The following BST1 variants were observed in gnomAD, a reference collection of about 807,000 sequenced individuals.
BST1 encodes the protein ADP-ribosyl cyclase/cyclic ADP-ribose hydrolase 2.
A neutral mutation model predicts 40.6 loss-of-function variants in BST1; 49 were observed. That is an observed-to-expected ratio of 1.21 (90% confidence interval 0.96 to 1.53). The LOEUF (loss-of-function observed/expected upper bound fraction) is 1.53. Ranked by LOEUF, BST1 falls within the 40% of genes most tolerant of loss-of-function variation. The pLI, the probability that BST1 is intolerant of heterozygous loss-of-function variation, is 0.00. For synonymous variants in BST1, 157 were observed against 159.3 expected, an observed-to-expected ratio of 0.99 and a Z score of 0.11; for missense variants, 423 against 395.9, an observed-to-expected ratio of 1.07 and a Z score of -0.58.
chr4:15,740,733 T>C (rs1438717169), downstream of BST1, among the ~76,000 whole-genome samples: 2 of 152,040 alleles, frequency 1.3e-5, no homozygotes, highest in Admixed American at 1.3e-4. Context: ...TATATGTTGG[T>C]GAAGAAGGAG....
downstream of BST1, among the ~76,000 whole-genome samples, chr4:15,736,610 C>CA (rs111663075): frequency 2.4e-3 from 303 of 128,082 alleles, 1 homozygote; most frequent in East Asian, 2.9e-3. Flanking sequence ...ACTCTGTCTC[C>CA]AAAAAAAAAA....
chr4:15,760,123 A>T, the BST1 span, among the ~76,000 whole-genome samples: 2 of 151,938 alleles, frequency 1.3e-5, no homozygotes, highest in Non-Finnish European at 2.9e-5. Flanking sequence ...CTTCTAATCT[A>T]CTTTCCGTCT....
At chr4:15,707,907 A>G (rs559455048) in intron 3 of BST1, among the ~76,000 whole-genome samples, 7 of 150,344 alleles carry the variant, frequency 4.7e-5, no homozygotes, top group Middle Eastern at 3.5e-3. Context: ...ATACATATCT[A>G]TACATATCTA....
the BST1 span, among the ~76,000 whole-genome samples, chr4:15,747,511 C>T: frequency 6.6e-6 from 1 of 152,158 alleles, no homozygotes; most frequent in Non-Finnish European, 1.5e-5. Context: ...GTACCCCCAT[C>T]ACCATCACAT....
the BST1 span, among the ~76,000 whole-genome samples, chr4:15,756,434 GT>G: frequency 6.6e-6 from 1 of 152,118 alleles, no homozygotes; most frequent in African/African-American, 2.4e-5. Context: ...GGTGAGATGT[GT>G]TTGAAAAAAC....
At chr4:15,724,876 A>G (rs1056011013) in intron 8 of BST1, among the ~76,000 whole-genome samples, 50 of 152,148 alleles carry the variant, frequency 3.3e-4, no homozygotes, top group African/African-American at 1.1e-3. Context: ...GCCAAGTGAC[A>G]TGTGCAATTT....
At chr4:15,704,986 AT>A (rs1339168166) in intron 1 of BST1, 1 of 768,732 alleles carries the variant, frequency 1.3e-6, no homozygotes, top group Non-Finnish European at 2.4e-6. Flanking sequence ...AAAGTTACAA[AT>A]GCTATGGGAA....
At chr4:15,754,526 G>A in the BST1 span, among the ~76,000 whole-genome samples, 3 of 152,178 alleles carry the variant, frequency 2.0e-5, no homozygotes, top group African/African-American at 7.2e-5. Flanking sequence ...TGAGAGGAAG[G>A]ATGTTGCTGT....
At chr4:15,722,564 T>C (rs1720863235) in intron 7 of BST1, among the ~76,000 whole-genome samples, 1 of 151,950 alleles carries the variant, frequency 6.6e-6, no homozygotes, top group East Asian at 1.9e-4. Flanking sequence ...ACTATAGGCA[T>C]GAGCGTCTGC....
In BST1 at chr4:15,731,463, A is replaced by G. The variant is rs1443571555; in HGVS notation, c.852-277A>G. ...GAACTTGGGGCAGGGAGTGGACTTA[A>G]GCCTGACGGTGCCCGAGAAGCGCTT... On this transcript the variant is annotated intron_variant, in intron 8 of 8. Transcript: ENST00000265016. 9.5e-6 allele frequency: 8 copies of G among 845,362 alleles called. No homozygotes were observed. In the Admixed American group the frequency reaches 1.3e-4, roughly 13 times the overall value. The allele number at this position is 845,362 out of a possible 1,614,324, so 52.4% of individuals were successfully genotyped here.
chr4:15,711,712 A>G, intron 3 of BST1, 95 bp from the exon 4 acceptor site: 2 of 980,882 alleles, frequency 2.0e-6, no homozygotes. Flanking sequence ...ATGGAAGCTA[A>G]GTATACATCA....
downstream of BST1, among the ~76,000 whole-genome samples, chr4:15,736,860 G>A (rs2103): frequency 0.22 from 34,169 of 152,032 alleles, 4,163 homozygotes; most frequent in African/African-American, 0.3. Flanking sequence ...CTTTGTGTCT[G>A]TCATAATGCT....
At chr4:15,753,264 A>G in the BST1 span, among the ~76,000 whole-genome samples, 78 of 152,234 alleles carry the variant, frequency 5.1e-4, no homozygotes, top group Non-Finnish European at 6.0e-4. Context: ...AGCTGTCTCT[A>G]TCTCTGGGGC....
intron 1 of BST1, among the ~76,000 whole-genome samples, chr4:15,703,919 GGT>G (rs1719717189): frequency 7.4e-6 from 1 of 134,474 alleles, no homozygotes; most frequent in African/African-American, 2.8e-5. Flanking sequence ...AGAGGTGAGG[GGT>G]GTGTGTATTC....
the BST1 span, among the ~76,000 whole-genome samples, chr4:15,746,216 G>C: frequency 1.3e-5 from 2 of 152,224 alleles, no homozygotes; most frequent in Non-Finnish European, 2.9e-5. Context: ...AGTCCATTTA[G>C]TGTTTGGTTT....
At chr4:15,756,104 A>G in the BST1 span, among the ~76,000 whole-genome samples, 1 of 152,234 alleles carries the variant, frequency 6.6e-6, no homozygotes, top group Non-Finnish European at 1.5e-5. Context: ...AAAAAATAAA[A>G]CTGAAACAAA....
chr4:15,708,466 C>G (rs1248773563), intron 3 of BST1, among the ~76,000 whole-genome samples: 1 of 152,062 alleles, frequency 6.6e-6, no homozygotes, highest in East Asian at 1.9e-4. Context: ...GAGACACCAG[C>G]CTCCACCAGA....
chr4:15,754,491 T>C, the BST1 span, among the ~76,000 whole-genome samples: 5 of 152,314 alleles, frequency 3.3e-5, no homozygotes, highest in African/African-American at 1.2e-4. Flanking sequence ...TCAGTGCCCC[T>C]GGGTGGTAGC....
At chr4:15,736,082 T>G (rs1210394379), downstream of BST1, 1 of 1,288,796 alleles carries the variant, frequency 7.8e-7, no homozygotes, top group African/African-American at 1.5e-5. Context: ...ACATTAGGAG[T>G]GCGACCCAGA....
Sources: allele counts gnomAD v4.1 joint callset (sites outside exome capture counted in the v4.1 genomes callset), GRCh38; gene constraint gnomAD v4.1.1; transcripts MANE v1.5; gene names NCBI Gene and HGNC (gene_info 2026-07-23, HGNC 2026-07-21).